SORCS2: variants seen among roughly 807,000 people sequenced by gnomAD.
SORCS2 encodes the protein sortilin related VPS10 domain containing receptor 2.
In SORCS2, 100 loss-of-function variants were observed where a neutral mutation model predicts 141.6. The ratio of observed to expected loss-of-function variants is 0.71; its 90% CI spans 0.60 to 0.83. The LOEUF (loss-of-function observed/expected upper bound fraction) is 0.83, where lower values mean the gene tolerates loss of function less well. SORCS2 is among the 40% of genes least tolerant of loss of function. SORCS2 has a pLI of 0.00. For missense variants in SORCS2, 1,646 were observed against 1,560.2 expected (o/e 1.05, Z -0.93); for synonymous variants, 789 against 676.9 (o/e 1.17, Z -2.57).
At chr4:7,395,415 A>G (rs1176431349) in intron 1 of SORCS2, among the ~76,000 whole-genome samples, 1 of 152,234 alleles carries the variant, frequency 6.6e-6, no homozygotes, top group Non-Finnish European at 1.5e-5. Flanking sequence ...TGTTAGGAAC[A>G]GCTAACAGGG....
chr4:7,638,086 A>C (rs1181486368), intron 3 of SORCS2, among the ~76,000 whole-genome samples: 1 of 150,330 alleles, frequency 6.7e-6, no homozygotes. Context: ...TGGCCCAGAC[A>C]CTCCATGAAT....
chr4:7,517,700 A>G (rs947580779), intron 2 of SORCS2, among the ~76,000 whole-genome samples: 3 of 152,230 alleles, frequency 2.0e-5, no homozygotes, highest in Non-Finnish European at 4.4e-5. Context: ...AAAAAGCTGC[A>G]TGGAGGCTCA....
At chr4:7,320,606 C>T (rs568111359) in intron 1 of SORCS2, among the ~76,000 whole-genome samples, 11 of 152,336 alleles carry the variant, frequency 7.2e-5, no homozygotes, top group African/African-American at 2.4e-4. Context: ...CACAGCCACA[C>T]GTCTGGATGG....
intron 2 of SORCS2, among the ~76,000 whole-genome samples, chr4:7,420,487 T>G (rs775853559): frequency 2.2e-4 from 33 of 152,104 alleles, no homozygotes; most frequent in Non-Finnish European, 4.1e-4. Context: ...CAGCAGCCAG[T>G]GGACATGTGG....
At chr4:7,578,795 A>T (rs979738753) in intron 3 of SORCS2, among the ~76,000 whole-genome samples, 1 of 152,130 alleles carries the variant, frequency 6.6e-6, no homozygotes, top group Non-Finnish European at 1.5e-5. Context: ...GGAGGATTTG[A>T]TCTTGTGGTT....
rs372534754 is a variant in SORCS2, at chr4:7,537,964, C to T, written c.648+6335C>T. The stretch of plus-strand genomic sequence containing the variant: ...TCCCACCACTACACTCCAGGTTGGG[C>T]GACACAGTGAGACACTGTCTCAAAA... On this transcript the variant is annotated intron_variant, in intron 3 of 26. Coordinates refer to ENST00000507866, the MANE Select transcript of SORCS2 (RefSeq NM_020777.3). Among the ~76,000 whole-genome samples the T allele has an allele frequency of 3.9e-5, 6 of 152,056 alleles. No individual in the cohort carries two copies. In the South Asian group the frequency reaches 8.3e-4, roughly 21 times the overall value.
intron 19 of SORCS2, among the ~76,000 whole-genome samples, chr4:7,724,123 G>GGTGGTGGTGGTGATGGTGGTGATA (rs1560112853): frequency 8.6e-5 from 12 of 139,728 alleles, no homozygotes; most frequent in Non-Finnish European, 1.4e-4. Flanking sequence ...TGATGGTGGT[G>GGTGGTGGTGGTGATGGTGGTGATA]GTGGTGGTGG....
At chr4:7,555,060 C>G (rs530513907) in intron 3 of SORCS2, among the ~76,000 whole-genome samples, 1 of 152,302 alleles carries the variant, frequency 6.6e-6, no homozygotes, top group South Asian at 2.1e-4. Context: ...GCAGCACTGT[C>G]CACAAGGTGT....
At chr4:7,728,838 G>A (rs1727405146) in intron 22 of SORCS2, among the ~76,000 whole-genome samples, 1 of 152,196 alleles carries the variant, frequency 6.6e-6, no homozygotes, top group African/African-American at 2.4e-5. Context: ...ACAAGACAGA[G>A]AGAAGAACCC....
intron 9 of SORCS2, among the ~76,000 whole-genome samples, chr4:7,678,177 G>A (rs573778873): frequency 5.3e-4 from 80 of 152,184 alleles, no homozygotes; most frequent in South Asian, 1.0e-3. Flanking sequence ...GCACAGGGGC[G>A]GTTGGCCAGC....
chr4:7,606,757 C>A (rs915793199), intron 3 of SORCS2, among the ~76,000 whole-genome samples: 1 of 151,958 alleles, frequency 6.6e-6, no homozygotes, highest in Non-Finnish European at 1.5e-5. Flanking sequence ...ATTCTTCAAG[C>A]AGAGGAGGGT....
intron 2 of SORCS2, chr4:7,432,789 T>A (rs1209016728): frequency 6.6e-6 from 1 of 152,308 alleles, no homozygotes; most frequent in Non-Finnish European, 1.5e-5. Flanking sequence ...ATACACACCT[T>A]TGGCAGCCAC....
At chr4:7,693,696 A>C (rs533972173) in intron 11 of SORCS2, among the ~76,000 whole-genome samples, 242 of 152,362 alleles carry the variant, frequency 1.6e-3, no homozygotes, top group Non-Finnish European at 2.9e-3. Context: ...GCCGTTTGGG[A>C]GCTGGGAGCA....
chr4:7,634,563 TTGAA>T (rs1375592513), intron 3 of SORCS2, among the ~76,000 whole-genome samples: 2 of 152,134 alleles, frequency 1.3e-5, no homozygotes, highest in East Asian at 3.9e-4. Flanking sequence ...AAATAAATGA[TTGAA>T]TGAGTAAACA....
At chr4:7,434,852 T>C in intron 2 of SORCS2, 1 of 1,584,524 alleles carries the variant, frequency 6.3e-7, no homozygotes, top group Non-Finnish European at 8.6e-7. Flanking sequence ...CCCAGGAGGC[T>C]GGGCAGGAGG....
intron 8 of SORCS2, among the ~76,000 whole-genome samples, chr4:7,668,682 CTCCAGGCT>C (rs1722636242): frequency 6.6e-6 from 1 of 152,226 alleles, no homozygotes; most frequent in South Asian, 2.1e-4. Flanking sequence ...ATAGACTGAA[CTCCAGGCT>C]TGGCTGAGTA....
intron 14 of SORCS2, among the ~76,000 whole-genome samples, chr4:7,711,807 C>T (rs1457249628): frequency 1.3e-5 from 2 of 152,230 alleles, no homozygotes; most frequent in Non-Finnish European, 2.9e-5. Context: ...GCCTACCAGG[C>T]TGTGCATGCA....
Position 7,682,737 on chromosome 4 carries a change from T to C in SORCS2, c.1342-6T>C, listed in dbSNP as rs1221336704. On this transcript the variant is annotated splice_region_variant and splice_polypyrimidine_tract_variant and intron_variant, in intron 9 of 26. Coordinates refer to ENST00000507866, the MANE Select transcript of SORCS2 (RefSeq NM_020777.3). ...GTTTACAGTCCTTCTTTTATTTTTG[T>C]CCCAGGTCAGAGGGGTGAAAGGAGT... 1 of 1,605,168 alleles carries C rather than the reference T, an allele frequency of 6.2e-7. No homozygotes were observed. The highest frequency in any genetic ancestry group is 8.5e-7 in the Non-Finnish European group (1 of 1,175,696).
rs535712126 is a variant in SORCS2 at position 7,643,640 on chromosome 4, CA to C, written c.813+5149del. Among the ~76,000 whole-genome samples, 115 of 152,240 alleles carry C rather than the reference CA, an allele frequency of 7.6e-4. 1 individual carries two copies. Among genetic ancestry groups the C allele is most frequent in the African/African-American group, 2.7e-3 (111 of 41,550 alleles). ...GTATCTTTAATTTGTAATACATCTT[CA>C]GGGCAATAAAGATGATCACATATGA... On this transcript the variant is annotated intron_variant, in intron 4 of 26. Transcript: ENST00000507866.
Sources: allele counts gnomAD v4.1 joint callset (sites outside exome capture counted in the v4.1 genomes callset), GRCh38; gene constraint gnomAD v4.1.1; transcripts MANE v1.5; gene names NCBI Gene and HGNC (gene_info 2026-07-23, HGNC 2026-07-21).